The following SAP130 variants were observed in gnomAD, a reference collection of about 807,000 sequenced individuals.
The protein encoded by SAP130 is histone deacetylase complex subunit SAP130.
In SAP130, 16 loss-of-function variants were observed where a neutral mutation model predicts 103.2. That is an observed-to-expected ratio of 0.16 (90% CI 0.10 to 0.24). The LOEUF is 0.24. SAP130 is among the 10% of genes least tolerant of loss of function. The pLI, the probability that SAP130 is intolerant of heterozygous loss-of-function variation, is 1.00. For synonymous variants in SAP130, 477 were observed against 497.0 expected (o/e 0.96, Z 0.53); for missense variants, 990 against 1,359.7 (o/e 0.73, Z 4.28).
chr2:127,978,311 C>T (rs1021404210), intron 14 of SAP130, among the ~76,000 whole-genome samples: 3 of 152,168 alleles, frequency 2.0e-5, no homozygotes, highest in African/African-American at 7.2e-5. Context: ...CAGGTCCCTT[C>T]CCCATTCCTG....
intron 15 of SAP130, among the ~76,000 whole-genome samples, chr2:127,970,541 T>A (rs867841339): frequency 8.4e-4 from 67 of 80,012 alleles, no homozygotes; most frequent in South Asian, 4.1e-3. Flanking sequence ...GACTCTGTCT[T>A]AAAAAAAAAA....
rs767940924 is a variant in SAP130 at position 127,986,291 on chromosome 2, C to T, written c.1958+494G>A. On this transcript the variant is annotated intron_variant, in intron 14 of 20. Coordinates refer to ENST00000643581, the MANE Select transcript of SAP130 (RefSeq NM_001330301.2). The surrounding 1 kb of genome is among the most constrained non-coding windows in gnomAD (Gnocchi z 4.7). ...TCTAGACACTGCTGTAGGGTTGGAG[C>T]GACACAGCCTGCCTGTCTGTATGCT... 2.6e-5 allele frequency among the ~76,000 whole-genome samples: 4 copies of T among 152,186 alleles called. No individual in the cohort carries two copies. The highest frequency in any genetic ancestry group is 6.5e-5 in the Admixed American group (1 of 15,276).
chr2:127,952,450 TAAAAA>T (rs57007168), intron 16 of SAP130, among the ~76,000 whole-genome samples: 1 of 140,504 alleles, frequency 7.1e-6, no homozygotes. Context: ...AACTCCATCT[TAAAAA>T]AAAAAAAAAA....
intron 15 of SAP130, among the ~76,000 whole-genome samples, chr2:127,968,039 G>A (rs1268174186): frequency 3.9e-5 from 6 of 151,948 alleles, no homozygotes; most frequent in South Asian, 2.1e-4. Flanking sequence ...GTCAGGTAAC[G>A]GTTTTGAACA....
chr2:127,996,164 A>G lies in SAP130; in HGVS notation c.1355+186T>C, dbSNP rs1683162377. ...TGGATACTAGGAAAACATCCATCAA[A>G]AGGAGACTGGCTTGAAAAAAATCGC... On this transcript the variant is annotated intron_variant, in intron 11 of 20. Transcript: ENST00000643581. This position sits in a 1 kb window ranked among gnomAD's most constrained non-coding sequence, Gnocchi z 4.3. Among the ~76,000 whole-genome samples, 1 of 152,150 alleles carries G rather than the reference A, an allele frequency of 6.6e-6. No individual in the cohort carries two copies. The highest frequency in any genetic ancestry group is 1.5e-5 in the Non-Finnish European group (1 of 68,032).
chr2:127,950,453 T>C (rs763709353), intron 16 of SAP130, 45 bp from the exon 17 acceptor site: 2 of 1,604,890 alleles, frequency 1.2e-6, no homozygotes, highest in Non-Finnish European at 1.7e-6. Context: ...AACTCAAAGA[T>C]AACAGAAAGT....
chr2:127,996,313 C>A lies in SAP130; in HGVS notation c.1355+37G>T. On this transcript the variant is annotated intron_variant, in intron 11 of 20. Coordinates refer to ENST00000643581, the MANE Select transcript of SAP130 (RefSeq NM_001330301.2). The surrounding 1 kb of genome is among the most constrained non-coding windows in gnomAD (Gnocchi z 4.3). ...GCTGATAAAGCAGAACGATTAATGA[C>A]ACAGTGAGGCAGAATAACTGACACA... is the stretch of plus-strand genomic sequence containing the variant. The A allele has an allele frequency of 6.5e-7, 1 of 1,527,204 alleles. No homozygotes were observed. The highest frequency in any genetic ancestry group is 1.3e-5 in the South Asian group (1 of 78,862). 94.6% of individuals were successfully genotyped at this position (1,527,204 alleles called of 1,614,324 possible).
At chr2:127,956,186 T>G (rs1679828271) in intron 15 of SAP130, among the ~76,000 whole-genome samples, 1 of 152,208 alleles carries the variant, frequency 6.6e-6, no homozygotes. Flanking sequence ...GCTTCTGGGA[T>G]AGCTAGCACG....
At chr2:127,962,391 G>A (rs1264517532) in intron 15 of SAP130, among the ~76,000 whole-genome samples, 1 of 152,182 alleles carries the variant, frequency 6.6e-6, no homozygotes, top group Admixed American at 6.6e-5. Flanking sequence ...TATACCCAAA[G>A]GATTATAAAT....
intron 14 of SAP130, among the ~76,000 whole-genome samples, chr2:127,980,447 C>T (rs961690000): frequency 3.9e-5 from 6 of 152,070 alleles, no homozygotes; most frequent in East Asian, 1.9e-4. Flanking sequence ...GGTAAAACCA[C>T]GCAGAAAACC....
chr2:128,023,749 C>T (rs887065588), intron 2 of SAP130, among the ~76,000 whole-genome samples: 7 of 152,140 alleles, frequency 4.6e-5, no homozygotes, highest in African/African-American at 1.7e-4. Context: ...TGCACTCCAG[C>T]CTGGGAGACA....
chr2:128,022,832 GT>G (rs1014374658), intron 2 of SAP130, among the ~76,000 whole-genome samples: 68 of 146,688 alleles, frequency 4.6e-4, no homozygotes, highest in East Asian at 9.9e-4. Flanking sequence ...ATAAGTTCTT[GT>G]TTTTTTTTTT....
chr2:127,971,187 C>T (rs1681061664), intron 15 of SAP130, among the ~76,000 whole-genome samples: 1 of 151,986 alleles, frequency 6.6e-6, no homozygotes, highest in African/African-American at 2.4e-5. Flanking sequence ...CCCCGGGCTC[C>T]CCCCATCTGT....
intron 15 of SAP130, among the ~76,000 whole-genome samples, chr2:127,956,703 A>T (rs1482856730): frequency 0.014 from 22 of 1,520 alleles, no homozygotes; most frequent in Admixed American, 0.024. Flanking sequence ...AAAGTATAAT[A>T]AAAAAAAAAA....
intron 6 of SAP130, among the ~76,000 whole-genome samples, chr2:128,012,028 G>A (rs1047464823): frequency 1.3e-4 from 20 of 152,212 alleles, no homozygotes; most frequent in East Asian, 5.8e-4. Context: ...TGCCCAAGGC[G>A]GTTTCAAACT....
chr2:127,990,007 A>T, intron 12 of SAP130, 141 bp from the exon 13 acceptor site: 1 of 765,138 alleles, frequency 1.3e-6, no homozygotes, highest in South Asian at 2.1e-5. Flanking sequence ...ATAAATAAAC[A>T]TTGTTACTTG....
rs764726128 is a variant in SAP130, at chr2:127,986,921, T to C, written c.1822A>G (p.Ile608Val). ...GGAGCAGCACTGAATGGATTGCTAA[T>C]AGGGTTGGCCACAATTGTGGCTCCA... ...ADGATIVANPISNPFSAAPAA... is the reference protein window; with the variant it reads ...ADGATIVANPVSNPFSAAPAA... Residue 608 changes from isoleucine to valine, a missense_variant, in exon 14 of 21, where the codon ATT (isoleucine) becomes GTT (valine). Coordinates refer to ENST00000643581, the MANE Select transcript of SAP130 (RefSeq NM_001330301.2). The surrounding 1 kb of genome is among the most constrained non-coding windows in gnomAD (Gnocchi z 4.7). The C allele has an allele frequency of 1.9e-6, 3 of 1,614,098 alleles. No individual in the cohort carries two copies. Among genetic ancestry groups the C allele is most frequent in the African/African-American group, 1.3e-5 (1 of 75,048 alleles).
At chr2:127,946,636 A>G (rs536200065) in intron 18 of SAP130, among the ~76,000 whole-genome samples, 2 of 152,074 alleles carry the variant, frequency 1.3e-5, no homozygotes, top group South Asian at 2.1e-4. Flanking sequence ...TAATCCCAGC[A>G]CTTTGGGAGG....
chr2:127,942,404 G>A lies in SAP130; in HGVS notation c.3015+20C>T, dbSNP rs778420165. On this transcript the variant is annotated intron_variant, in intron 20 of 20. Transcript: ENST00000643581. This position sits in a 1 kb window ranked among gnomAD's most constrained non-coding sequence, Gnocchi z 4.8. ...AACTTCATAAAGTAGATGATCAGAAGGGAAGGGGCGCACTCAAACCTGTAT... is the reference window on the plus strand; with the variant it reads ...AACTTCATAAAGTAGATGATCAGAAAGGAAGGGGCGCACTCAAACCTGTAT... 2 of 1,522,516 alleles carry A rather than the reference G, an allele frequency of 1.3e-6. No homozygotes were observed. Among genetic ancestry groups the A allele is most frequent in the African/African-American group, 1.4e-5 (1 of 73,080 alleles). The allele number at this position is 1,522,516 out of a possible 1,614,324, so 94.3% of individuals were successfully genotyped here.
Sources: allele counts gnomAD v4.1 joint callset (sites outside exome capture counted in the v4.1 genomes callset), GRCh38; gene constraint gnomAD v4.1.1; non-coding constraint Gnocchi (gnomAD v3.1); transcripts MANE v1.5; gene names NCBI Gene and HGNC (gene_info 2026-07-23, HGNC 2026-07-21).